UQCC1: variants seen among roughly 807,000 people sequenced by gnomAD.
The protein encoded by UQCC1 is bFGF-repressed Zic-binding protein.
UQCC1 carries 38 observed loss-of-function variants against 48.0 expected under a neutral mutation model. The observed-to-expected ratio is 0.79, with a 90% CI of 0.61 to 1.04. The LOEUF is 1.04. Ranked by LOEUF, UQCC1 falls within the 50% of genes least tolerant of loss-of-function variation. The probability of loss-of-function intolerance (pLI) is 0.00; values close to 1 mark genes in which losing one functional copy is unlikely to be tolerated. For missense variants in UQCC1, 368 were observed against 381.8 expected, an observed-to-expected ratio of 0.96 and a Z score of 0.30; for synonymous variants, 111 against 129.2, an observed-to-expected ratio of 0.86 and a Z score of 0.95.
chr20:35,321,681 C>G (rs1016490534), intron 7 of UQCC1, among the ~76,000 whole-genome samples: 2 of 152,136 alleles, frequency 1.3e-5, no homozygotes, highest in Non-Finnish European at 2.9e-5. Context: ...AAAGTGAGGT[C>G]CTGTCTCTAC....
intron 2 of UQCC1, among the ~76,000 whole-genome samples, chr20:35,393,800 A>C (rs2062040883): frequency 1.3e-5 from 2 of 152,096 alleles, no homozygotes; most frequent in African/African-American, 4.8e-5. Context: ...GGCCACAAAA[A>C]GAAAATTGAA....
chr20:35,345,571 G>T (rs959270211), intron 7 of UQCC1: 1 of 152,102 alleles, frequency 6.6e-6, no homozygotes, highest in African/African-American at 2.4e-5. Context: ...AACCAAAAAG[G>T]ATGATTACAA....
intron 7 of UQCC1, among the ~76,000 whole-genome samples, chr20:35,318,633 G>A (rs1308071588): frequency 6.6e-6 from 1 of 152,180 alleles, no homozygotes; most frequent in East Asian, 1.9e-4. Context: ...AACTGCCACA[G>A]CTAGAAATGC....
At chr20:35,352,503 G>A (rs1280462266) in intron 6 of UQCC1, among the ~76,000 whole-genome samples, 4 of 152,140 alleles carry the variant, frequency 2.6e-5, no homozygotes, top group Non-Finnish European at 5.9e-5. Context: ...ACCAGGGCTG[G>A]AAAAGGACAA....
At chr20:35,389,799 T>A (rs1024763444) in intron 2 of UQCC1, among the ~76,000 whole-genome samples, 2 of 152,198 alleles carry the variant, frequency 1.3e-5, no homozygotes, top group Non-Finnish European at 2.9e-5. Context: ...AATGCAATTA[T>A]CATATAATCC....
intron 7 of UQCC1, among the ~76,000 whole-genome samples, chr20:35,338,663 T>C (rs1359782987): frequency 1.3e-5 from 2 of 150,628 alleles, no homozygotes. Flanking sequence ...CTGGCCAACA[T>C]GCTGAAACCC....
At position 35,366,414 on chromosome 20, in the gene UQCC1, C is replaced by T; in HGVS notation, c.464+143G>A. ...TTTAATAAAAATGTGCTTCAAGACA[C>T]CAGTTATTAAAATGAAAGGAACAGT... is the stretch of plus-strand genomic sequence containing the variant. On this transcript the variant is annotated intron_variant, in intron 6 of 9. Coordinates refer to ENST00000374385, the MANE Select transcript of UQCC1 (RefSeq NM_018244.5). 4 of 660,894 alleles carry T rather than the reference C, an allele frequency of 6.1e-6. No individual in the cohort carries two copies. The South Asian group carries it at 8.2e-5, about 14-fold the overall frequency. The allele number at this position is 660,894 out of a possible 1,614,324, so 40.9% of individuals were successfully genotyped here.
At chr20:35,383,407 G>A (rs955939544) in intron 3 of UQCC1, among the ~76,000 whole-genome samples, 1 of 152,144 alleles carries the variant, frequency 6.6e-6, no homozygotes, top group African/African-American at 2.4e-5. Flanking sequence ...GAAGGCTTAG[G>A]TCCAAATATT....
At chr20:35,341,314 C>A (rs1429106331) in intron 7 of UQCC1, among the ~76,000 whole-genome samples, 1 of 151,464 alleles carries the variant, frequency 6.6e-6, no homozygotes, top group African/African-American at 2.4e-5. Context: ...CAAGTAATTC[C>A]ATTAGAAGAT....
chr20:35,358,356 CAAAAAAAAAAA>C (rs1198006186), intron 6 of UQCC1, among the ~76,000 whole-genome samples: 6 of 49,390 alleles, frequency 1.2e-4, no homozygotes, highest in East Asian at 6.0e-4. Flanking sequence ...GACTCTGTCT[CAAAAAAAAAAA>C]AAAAAAAAAA....
At chr20:35,333,330 C>T (rs537959673) in intron 7 of UQCC1, among the ~76,000 whole-genome samples, 1 of 152,100 alleles carries the variant, frequency 6.6e-6, no homozygotes, top group Non-Finnish European at 1.5e-5. Flanking sequence ...ATAGTATGCA[C>T]CGCAACCAAA....
At chr20:35,403,453 C>G (rs1279367178) in intron 1 of UQCC1, among the ~76,000 whole-genome samples, 1 of 152,110 alleles carries the variant, frequency 6.6e-6, no homozygotes, top group African/African-American at 2.4e-5. Context: ...TAGCAACAAC[C>G]ACTAAAGGAA....
intron 1 of UQCC1, among the ~76,000 whole-genome samples, chr20:35,399,579 G>A (rs1221122265): frequency 8.6e-5 from 13 of 152,040 alleles, no homozygotes; most frequent in Admixed American, 8.5e-4. Context: ...CTCTAGGCCG[G>A]GCGCAGTGGC....
intron 6 of UQCC1, among the ~76,000 whole-genome samples, chr20:35,363,151 G>C (rs2061627062): frequency 6.6e-6 from 1 of 151,798 alleles, no homozygotes; most frequent in African/African-American, 2.4e-5. Context: ...TGGTCACAAA[G>C]TAACATGCAT....
chr20:35,326,382 C>CA (rs751888210), intron 7 of UQCC1, among the ~76,000 whole-genome samples: 1 of 152,314 alleles, frequency 6.6e-6, no homozygotes, highest in Non-Finnish European at 1.5e-5. Context: ...CTGGCAGTGC[C>CA]AAGCGCAGAC....
chr20:35,311,275 G>C (rs967069991), intron 8 of UQCC1, among the ~76,000 whole-genome samples: 3 of 152,152 alleles, frequency 2.0e-5, no homozygotes, highest in African/African-American at 7.2e-5. Flanking sequence ...GAGCAATTTG[G>C]ACCTAATGTC....
At chr20:35,391,725 T>TAAA (rs375718160) in intron 2 of UQCC1, among the ~76,000 whole-genome samples, 1 of 148,450 alleles carries the variant, frequency 6.7e-6, no homozygotes, top group Admixed American at 6.7e-5. Context: ...AGGACATTCA[T>TAAA]AAAAAAAAAA....
chr20:35,316,190 T>C (rs1297058528), intron 7 of UQCC1, among the ~76,000 whole-genome samples: 1 of 152,156 alleles, frequency 6.6e-6, no homozygotes, highest in African/African-American at 2.4e-5. Context: ...CAAAAGGCAT[T>C]TGGAACTTTA....
At chr20:35,336,754 T>A (rs1437337846) in intron 7 of UQCC1, among the ~76,000 whole-genome samples, 2 of 152,230 alleles carry the variant, frequency 1.3e-5, no homozygotes, top group Admixed American at 6.5e-5. Flanking sequence ...GAGCCTTAGT[T>A]TCCTCATCTG....
Sources: gnomAD v4.1 joint callset for allele counts (sites outside exome capture counted in the v4.1 genomes callset) on GRCh38, gnomAD v4.1.1 for gene constraint, MANE v1.5 for transcripts, NCBI Gene and HGNC (gene_info 2026-07-23, HGNC 2026-07-21) for gene names.